Variants in NEGR1 observed in about 807,000 individuals in gnomAD.
NEGR1 encodes the protein neuronal growth regulator 1, also known as IgLON family member 4.
Under a neutral mutation model 40.9 loss-of-function variants are expected in NEGR1, and 10 were observed. The observed-to-expected ratio is 0.24, with a 90% confidence interval of 0.15 to 0.42. The LOEUF is 0.42. Among genes scored for constraint, NEGR1 ranks in the 10% least tolerant of loss-of-function variants. The pLI is 1.00. For synonymous variants in NEGR1, 185 were observed against 166.8 expected, an observed-to-expected ratio of 1.11 and a Z score of -0.84; for missense variants, 352 against 438.9, an observed-to-expected ratio of 0.80 and a Z score of 1.77.
intron 3 of NEGR1, among the ~76,000 whole-genome samples, chr1:71,724,827 A>G (rs925952741): frequency 6.6e-6 from 1 of 150,716 alleles, no homozygotes; most frequent in Non-Finnish European, 1.5e-5. Flanking sequence ...TCTCTCTCTC[A>G]TTTTCTTCTT....
chr1:71,939,454 A>G (rs1297491495), intron 1 of NEGR1, among the ~76,000 whole-genome samples: 2 of 152,176 alleles, frequency 1.3e-5, no homozygotes, highest in Non-Finnish European at 2.9e-5. Context: ...AATTAGGAAA[A>G]TTTTGGAGAA....
At chr1:71,977,912 T>C (rs1276241743) in intron 1 of NEGR1, among the ~76,000 whole-genome samples, 1 of 152,158 alleles carries the variant, frequency 6.6e-6, no homozygotes, top group Non-Finnish European at 1.5e-5. Context: ...ATAAATTTCT[T>C]TCCAACCTGT....
In NEGR1 at chr1:71,676,420, C is replaced by T. The variant is rs141115199; in HGVS notation, c.667+21588G>A. ...CTTTGCTAAACCTCAAGCACCAGTG[C>T]GCTACAAACAATAGAAATCCATACA... On this transcript the variant is annotated intron_variant, in intron 4 of 6. Transcript: ENST00000357731. Among the ~76,000 whole-genome samples, 564 of 152,016 alleles carry T rather than the reference C, an allele frequency of 3.7e-3. 2 individuals are homozygous for T. The highest frequency in any genetic ancestry group is 0.013 in the African/African-American group (525 of 41,442).
intron 2 of NEGR1, among the ~76,000 whole-genome samples, chr1:71,805,617 T>C (rs12031844): frequency 0.3 from 45,544 of 152,132 alleles, 8,652 homozygotes; most frequent in East Asian, 0.59. Flanking sequence ...TTAGAGATAA[T>C]TGGAATGTTG....
intron 4 of NEGR1, among the ~76,000 whole-genome samples, chr1:71,648,351 T>C (rs1281254822): frequency 6.6e-6 from 1 of 152,052 alleles, no homozygotes; most frequent in Non-Finnish European, 1.5e-5. Flanking sequence ...GTGTGAGCTA[T>C]ACACAGATGA....
intron 1 of NEGR1, among the ~76,000 whole-genome samples, chr1:72,273,193 A>G (rs1655908290): frequency 6.6e-6 from 1 of 152,014 alleles, no homozygotes; most frequent in Admixed American, 6.6e-5. Flanking sequence ...GATGGTTAAA[A>G]TGATACAAAA....
Position 71,886,249 on chromosome 1 carries a change from T to C in NEGR1, c.409+48830A>G, listed in dbSNP as rs1355801873. On this transcript the variant is annotated intron_variant, in intron 2 of 6. Transcript: ENST00000357731. ...CATGTTCTCCCCTGAGAATTATGAT[T>C]ATTAGTTGTTCCCTAATAAAAATGG... 2.6e-5 allele frequency among the ~76,000 whole-genome samples: 4 copies of C among 152,196 alleles called. No individual in the cohort carries two copies. The East Asian group carries it at 5.8e-4, about 22-fold the overall frequency.
intron 1 of NEGR1, among the ~76,000 whole-genome samples, chr1:72,184,602 TA>T (rs1050832150): frequency 1.3e-5 from 2 of 152,122 alleles, no homozygotes; most frequent in East Asian, 3.9e-4. Flanking sequence ...GATGATTAGA[TA>T]AAAAACATGT....
At chr1:71,526,354 T>C (rs1380771171) in intron 6 of NEGR1, among the ~76,000 whole-genome samples, 1 of 151,554 alleles carries the variant, frequency 6.6e-6, no homozygotes, top group Non-Finnish European at 1.5e-5. Context: ...GCCTCCTCAC[T>C]CTCATTCTTA....
At chr1:71,555,126 GC>G (rs1199557395) in intron 6 of NEGR1, among the ~76,000 whole-genome samples, 2 of 151,618 alleles carry the variant, frequency 1.3e-5, no homozygotes, top group African/African-American at 4.8e-5. Context: ...GGATTGAGAA[GC>G]CCTAGTTGGC....
chr1:71,711,481 CAAA>C (rs71070899), intron 3 of NEGR1, among the ~76,000 whole-genome samples: 1 of 126,638 alleles, frequency 7.9e-6, no homozygotes. Flanking sequence ...CTAAAATTTA[CAAA>C]AAAAAAAAAA....
chr1:71,692,851 G>T (rs918233976), intron 4 of NEGR1, among the ~76,000 whole-genome samples: 5 of 151,704 alleles, frequency 3.3e-5, no homozygotes, highest in African/African-American at 1.2e-4. Flanking sequence ...ACCCAAAAAT[G>T]ACTTTCCTAT....
At chr1:72,116,004 C>T (rs980999899) in intron 1 of NEGR1, among the ~76,000 whole-genome samples, 5 of 151,702 alleles carry the variant, frequency 3.3e-5, no homozygotes, top group African/African-American at 9.7e-5. Context: ...AAATTTAAAA[C>T]ATTTATGCAA....
In NEGR1 at chr1:71,936,037, G is replaced by A. The variant is rs571416261; in HGVS notation, c.177-726C>T. On this transcript the variant is annotated intron_variant, in intron 1 of 6. Coordinates refer to ENST00000357731, the MANE Select transcript of NEGR1 (RefSeq NM_173808.3). ...TGGTCTTGAACTCCTGACCTCAGGC[G>A]ATCCTCCTGCCTTCACCTCCCAAAG... is the stretch of plus-strand genomic sequence containing the variant. Among the ~76,000 whole-genome samples the A allele has an allele frequency of 3.9e-4, 59 of 152,148 alleles. 2 individuals carry two copies. The South Asian group carries it at 0.01, about 27-fold the overall frequency.
chr1:71,801,314 A>G (rs752414459), intron 2 of NEGR1, among the ~76,000 whole-genome samples: 8 of 152,186 alleles, frequency 5.3e-5, no homozygotes, highest in Non-Finnish European at 1.0e-4. Context: ...TTACTGCTTT[A>G]GTGAGTCCAT....
At chr1:71,740,209 C>A (rs966355785) in intron 3 of NEGR1, among the ~76,000 whole-genome samples, 1 of 152,110 alleles carries the variant, frequency 6.6e-6, no homozygotes, top group Non-Finnish European at 1.5e-5. Flanking sequence ...GCAGTCGAAA[C>A]GTTTTGTTCT....
intron 4 of NEGR1, among the ~76,000 whole-genome samples, chr1:71,666,447 A>G (rs1276739014): frequency 6.6e-6 from 1 of 152,078 alleles, no homozygotes; most frequent in African/African-American, 2.4e-5. Context: ...CTCAACCAGC[A>G]TTAAAAATGA....
At chr1:71,720,933 C>G (rs1201041630) in intron 3 of NEGR1, among the ~76,000 whole-genome samples, 6 of 152,230 alleles carry the variant, frequency 3.9e-5, no homozygotes, top group Admixed American at 2.6e-4. Context: ...GGCCAATAAT[C>G]ATTTCCCTAG....
intron 1 of NEGR1, among the ~76,000 whole-genome samples, chr1:72,226,527 C>A (rs1182919978): frequency 6.6e-6 from 1 of 151,864 alleles, no homozygotes. Context: ...GCCTTCAATT[C>A]CTAACTGTCC....
Sources: gnomAD v4.1 joint callset for allele counts (sites outside exome capture counted in the v4.1 genomes callset) on GRCh38, gnomAD v4.1.1 for gene constraint, MANE v1.5 for transcripts, NCBI Gene and HGNC (gene_info 2026-07-23, HGNC 2026-07-21) for gene names.